RYR2: variants seen among roughly 807,000 people sequenced by gnomAD.
RYR2 encodes the protein cardiac muscle ryanodine receptor-calcium release channel.
Under a neutral mutation model 601.1 loss-of-function variants are expected in RYR2, and 227 were observed. The ratio of observed to expected loss-of-function variants is 0.38; its 90% CI spans 0.34 to 0.42. RYR2 has a LOEUF of 0.42. Ranked by LOEUF, RYR2 falls within the 10% of genes least tolerant of loss-of-function variation. The probability of loss-of-function intolerance (pLI) is 1.00; values close to 1 mark genes in which losing one functional copy is unlikely to be tolerated. For missense variants in RYR2, 4,646 were observed against 6,156.5 expected, an observed-to-expected ratio of 0.75 and a Z score of 8.21; for synonymous variants, 2,223 against 2,175.1, an observed-to-expected ratio of 1.02 and a Z score of -0.61.
chr1:237,500,561 A>C, intron 20 of RYR2, 150 bp from the exon 21 acceptor site: 1 of 635,848 alleles, frequency 1.6e-6, no homozygotes. Context: ...AGAGTTTAAC[A>C]TGTAACATGC....
At chr1:237,663,193 A>G (rs1683966805) in intron 56 of RYR2, among the ~76,000 whole-genome samples, 1 of 152,266 alleles carries the variant, frequency 6.6e-6, no homozygotes, top group African/African-American at 2.4e-5. Flanking sequence ...TGAAATATTA[A>G]CATAGATTGT....
At chr1:237,408,665 C>T (rs1183469338) in intron 10 of RYR2, among the ~76,000 whole-genome samples, 2 of 151,908 alleles carry the variant, frequency 1.3e-5, no homozygotes, top group African/African-American at 4.8e-5. Context: ...TCTTCTATGT[C>T]TTTCACTTCT....
chr1:237,529,479 CAT>C (rs1667904578), intron 24 of RYR2, among the ~76,000 whole-genome samples: 1 of 151,850 alleles, frequency 6.6e-6, no homozygotes, highest in South Asian at 2.1e-4. Flanking sequence ...TATGGAAATA[CAT>C]ATATATAATG....
chr1:237,638,380 T>C lies in RYR2; in HGVS notation c.6816T>C (p.Cys2272=), dbSNP rs1440018592. 3 of 1,613,972 alleles carry C rather than the reference T, an allele frequency of 1.9e-6. No homozygotes were observed. The highest frequency in any genetic ancestry group is 2.2e-5 in the East Asian group (1 of 44,862). The part of the protein sequence containing the change: ...LEKVVRYLAG[C]GLQSCQMLVS... ...AGGTAGTTCGTTATTTGGCTGGTTG[T>C]GGACTGCAAAGTTGCCAGATGCTGG... Residue 2272 remains cysteine (C), a synonymous_variant, in exon 45 of 105, where the codon TGT becomes TGC. Transcript: ENST00000366574.
At chr1:237,053,418 T>C (rs916822266) in intron 1 of RYR2, among the ~76,000 whole-genome samples, 8 of 152,288 alleles carry the variant, frequency 5.3e-5, no homozygotes, top group African/African-American at 1.9e-4. Flanking sequence ...GGCCATCATC[T>C]CCTGAAGATG....
At chr1:237,565,244 C>G (rs1402017140) in intron 27 of RYR2, among the ~76,000 whole-genome samples, 1 of 141,636 alleles carries the variant, frequency 7.1e-6, no homozygotes, top group East Asian at 2.1e-4. Context: ...CTTTCTTTCT[C>G]TCTCTCTCTT....
chr1:237,247,997 G>A (rs1687030184), intron 1 of RYR2, among the ~76,000 whole-genome samples: 1 of 152,080 alleles, frequency 6.6e-6, no homozygotes. Context: ...ACATTGGCCG[G>A]GCACGGTGGC....
chr1:237,691,661 A>G (rs1023478923), intron 63 of RYR2, among the ~76,000 whole-genome samples: 2 of 152,240 alleles, frequency 1.3e-5, no homozygotes, highest in Non-Finnish European at 2.9e-5. Context: ...TTAAAAAGCT[A>G]AGGTTTTTAA....
chr1:237,510,766 G>A (rs779045577), intron 23 of RYR2, among the ~76,000 whole-genome samples: 2 of 152,200 alleles, frequency 1.3e-5, no homozygotes, highest in Non-Finnish European at 2.9e-5. Flanking sequence ...TGCGATTTAG[G>A]TCTCTGAGAA....
chr1:237,428,624 A>G (rs1013520310), intron 12 of RYR2, among the ~76,000 whole-genome samples: 2 of 151,742 alleles, frequency 1.3e-5, no homozygotes, highest in African/African-American at 4.8e-5. Context: ...GGGGAGGGAG[A>G]GCATCAGGAC....
At chr1:237,535,943 A>C (rs763687609) in intron 25 of RYR2, among the ~76,000 whole-genome samples, 31 of 152,174 alleles carry the variant, frequency 2.0e-4, no homozygotes, top group Non-Finnish European at 1.0e-4. Context: ...TAACCTAACA[A>C]GGGGCAACAG....
At chr1:237,478,357 G>A (rs1661638621) in intron 17 of RYR2, among the ~76,000 whole-genome samples, 1 of 152,142 alleles carries the variant, frequency 6.6e-6, no homozygotes, top group African/African-American at 2.4e-5. Flanking sequence ...TTTTTAACCT[G>A]TCAATGGGAA....
At chr1:237,371,547 T>C (rs1186761800) in intron 6 of RYR2, among the ~76,000 whole-genome samples, 2 of 152,240 alleles carry the variant, frequency 1.3e-5, no homozygotes, top group Non-Finnish European at 2.9e-5. Context: ...TAGTTCAATA[T>C]CTAGAATATT....
At position 237,759,780 on chromosome 1, in the gene RYR2, T is replaced by A. The variant is rs773666101; in HGVS notation, c.11330T>A (p.Met3777Lys). The change falls in exon 83 of 105, where the codon ATG becomes AAG. Residue 3777 changes from methionine to lysine, a missense_variant. Met to Lys is a moderately conservative substitution (Grantham distance 95, BLOSUM62 -1). Around this residue, in one of 17 missense-constraint regions of RYR2, gnomAD observed 1,497 missense variants for 1,842.6 expected, o/e 0.81. Transcript: ENST00000366574. ...TGGTTTCTATAATTCCCATAGAAAA[T>A]GCTTGACTACCTCAAGGAGAAAAAG... ...NGGNSTVQQKMLDYLKEKKDV... is the reference protein window; with the variant it reads ...NGGNSTVQQKKLDYLKEKKDV... 1 of 1,608,868 alleles carries A rather than the reference T, an allele frequency of 6.2e-7. No individual in the cohort carries two copies.
chr1:237,623,242 AT>A (rs982297002), intron 38 of RYR2, among the ~76,000 whole-genome samples: 44 of 152,210 alleles, frequency 2.9e-4, no homozygotes, highest in African/African-American at 9.1e-4. Flanking sequence ...GCTATGGATG[AT>A]TTGATTTATT....
intron 91 of RYR2, 71 bp downstream of exon 91, chr1:237,786,107 C>A: frequency 1.1e-6 from 1 of 938,932 alleles, no homozygotes; most frequent in South Asian, 1.5e-5. Context: ...TGTACTCTGT[C>A]TTTGGGAGCT....
chr1:237,096,251 G>A (rs1373216059), intron 1 of RYR2, among the ~76,000 whole-genome samples: 1 of 152,134 alleles, frequency 6.6e-6, no homozygotes, highest in Admixed American at 6.5e-5. Flanking sequence ...TTGCCAGTCT[G>A]GGAAATCTCT....
chr1:237,731,334 G>C (rs1475766384), intron 77 of RYR2, among the ~76,000 whole-genome samples: 1 of 151,836 alleles, frequency 6.6e-6, no homozygotes, highest in African/African-American at 2.4e-5. Flanking sequence ...AATTTTCCTC[G>C]CTATTAAAGT....
At chr1:237,412,309 C>A (rs1704537638) in intron 10 of RYR2, among the ~76,000 whole-genome samples, 1 of 152,154 alleles carries the variant, frequency 6.6e-6, no homozygotes, top group Non-Finnish European at 1.5e-5. Context: ...AGGGCCTCTT[C>A]AGGCAGTTTT....
Sources: gnomAD v4.1 joint callset for allele counts (sites outside exome capture counted in the v4.1 genomes callset) on GRCh38, gnomAD v4.1.1 for gene constraint, gnomAD v4.1.1 regional missense constraint, MANE v1.5 for transcripts, NCBI Gene and HGNC (gene_info 2026-07-23, HGNC 2026-07-21) for gene names.